The following WWOX variants were observed in gnomAD, a reference collection of about 807,000 sequenced individuals.
WWOX encodes the protein WW domain-containing oxidoreductase.
Under a neutral mutation model 46.2 loss-of-function variants are expected in WWOX, and 69 were observed. The ratio of observed to expected loss-of-function variants is 1.49; its 90% confidence interval spans 1.23 to 1.82. The LOEUF is 1.82. WWOX is among the 40% of genes most tolerant of loss of function. The pLI is 0.00. For synonymous variants in WWOX, 359 were observed against 202.6 expected (o/e 1.77, Z -6.56); for missense variants, 919 against 542.6 (o/e 1.69, Z -6.89).
At chr16:78,541,222 C>G (rs1263759840) in intron 8 of WWOX, among the ~76,000 whole-genome samples, 4 of 151,838 alleles carry the variant, frequency 2.6e-5, no homozygotes. Context: ...CGCCTGTAAT[C>G]CCAGCACTCT....
At chr16:78,977,123 C>T (rs535092257) in intron 8 of WWOX, among the ~76,000 whole-genome samples, 1 of 152,174 alleles carries the variant, frequency 6.6e-6, no homozygotes, top group Non-Finnish European at 1.5e-5. Context: ...TAATATCTTC[C>T]TCTTTACTCC....
At chr16:78,971,379 C>T (rs1011299087) in intron 8 of WWOX, among the ~76,000 whole-genome samples, 2 of 142,806 alleles carry the variant, frequency 1.4e-5, no homozygotes, top group Non-Finnish European at 3.0e-5. Context: ...CTGTTGAGTC[C>T]GGGAGGCGGA....
chr16:78,358,541 C>G (rs1288493229), intron 5 of WWOX, among the ~76,000 whole-genome samples: 1 of 152,020 alleles, frequency 6.6e-6, no homozygotes, highest in African/African-American at 2.4e-5. Flanking sequence ...GCCTGTAATC[C>G]CAGCTACTCA....
chr16:78,890,747 T>A (rs540191558), intron 8 of WWOX: 14 of 152,252 alleles, frequency 9.2e-5, no homozygotes, highest in African/African-American at 2.9e-4. Flanking sequence ...TCATTCACTT[T>A]CTGTTTTTTA....
intron 5 of WWOX, among the ~76,000 whole-genome samples, chr16:78,273,849 C>T (rs2079528881): frequency 6.6e-6 from 1 of 152,128 alleles, no homozygotes; most frequent in Non-Finnish European, 1.5e-5. Context: ...TAGGAGGAGT[C>T]CTTTTCAGTC....
chr16:78,757,933 G>A (rs1343830654), intron 8 of WWOX, among the ~76,000 whole-genome samples: 1 of 151,924 alleles, frequency 6.6e-6, no homozygotes, highest in Non-Finnish European at 1.5e-5. Context: ...GGAGATTAGG[G>A]TTTCCAAATA....
At chr16:78,493,945 GTGTA>G (rs1221398123) in intron 8 of WWOX, among the ~76,000 whole-genome samples, 1 of 152,210 alleles carries the variant, frequency 6.6e-6, no homozygotes, top group Admixed American at 6.5e-5. Flanking sequence ...TAATTGGAAA[GTGTA>G]TTAGTCGATT....
intron 8 of WWOX, among the ~76,000 whole-genome samples, chr16:78,434,741 G>A (rs939937274): frequency 6.6e-6 from 1 of 152,158 alleles, no homozygotes; most frequent in Non-Finnish European, 1.5e-5. Flanking sequence ...AAGCTTTAGA[G>A]ATGAGTCTGT....
chr16:78,114,775 T>G (rs1456857457), intron 3 of WWOX, among the ~76,000 whole-genome samples: 3 of 152,160 alleles, frequency 2.0e-5, no homozygotes, highest in African/African-American at 7.2e-5. Flanking sequence ...AAGGAAAGGA[T>G]TCGATGACTA....
intron 4 of WWOX, among the ~76,000 whole-genome samples, chr16:78,152,789 T>A (rs1305950870): frequency 6.6e-6 from 1 of 152,244 alleles, no homozygotes; most frequent in Non-Finnish European, 1.5e-5. Flanking sequence ...ATTGTACAGC[T>A]TTACAAAACA....
At chr16:79,139,845 C>G (rs2050054805) in intron 8 of WWOX, among the ~76,000 whole-genome samples, 1 of 152,192 alleles carries the variant, frequency 6.6e-6, no homozygotes, top group Non-Finnish European at 1.5e-5. Context: ...TCTACTAAAA[C>G]TGATACTAAT....
At chr16:78,162,515 C>T (rs993699476) in intron 4 of WWOX, among the ~76,000 whole-genome samples, 1 of 86,210 alleles carries the variant, frequency 1.2e-5, no homozygotes, top group East Asian at 3.8e-4. Flanking sequence ...TTGTAGCTTG[C>T]ACATATATAT....
intron 5 of WWOX, among the ~76,000 whole-genome samples, chr16:78,253,347 G>A (rs1597404650): frequency 6.6e-6 from 1 of 152,214 alleles, no homozygotes; most frequent in East Asian, 1.9e-4. Context: ...TATTTTACCA[G>A]TCCATGCACA....
intron 4 of WWOX, among the ~76,000 whole-genome samples, chr16:78,148,021 G>A (rs1007111579): frequency 5.3e-5 from 8 of 152,038 alleles, no homozygotes; most frequent in Non-Finnish European, 8.8e-5. Flanking sequence ...TCGAGCAGAC[G>A]AGAAAGAGTA....
intron 5 of WWOX, among the ~76,000 whole-genome samples, chr16:78,314,710 T>TTG (rs2080324740): frequency 9.5e-6 from 1 of 104,768 alleles, no homozygotes; most frequent in Non-Finnish European, 2.1e-5. Flanking sequence ...TGTTTTTTTT[T>TTG]TTTTTTTTTT....
At chr16:78,829,539 A>G (rs1307148464) in intron 8 of WWOX, among the ~76,000 whole-genome samples, 1 of 152,146 alleles carries the variant, frequency 6.6e-6, no homozygotes, top group East Asian at 1.9e-4. Flanking sequence ...TGGCCCAGTC[A>G]AGTTGACACC....
At chr16:78,699,365 C>CA (rs2048164954) in intron 8 of WWOX, among the ~76,000 whole-genome samples, 1 of 127,486 alleles carries the variant, frequency 7.8e-6, no homozygotes, top group Admixed American at 7.3e-5. Context: ...CGTGTTTCTA[C>CA]AAAAAATACA....
At chr16:78,692,659 A>T (rs545133966) in intron 8 of WWOX, among the ~76,000 whole-genome samples, 62 of 152,350 alleles carry the variant, frequency 4.1e-4, no homozygotes, top group African/African-American at 1.3e-3. Context: ...GAATTGAAGG[A>T]CTAGGGTCAC....
chr16:78,130,739 A>C (rs1396696635), intron 4 of WWOX, among the ~76,000 whole-genome samples: 1 of 152,208 alleles, frequency 6.6e-6, no homozygotes, highest in Non-Finnish European at 1.5e-5. Context: ...CTTTTGTGCA[A>C]TTAACAAACA....
Sources: gnomAD v4.1 joint callset for allele counts (sites outside exome capture counted in the v4.1 genomes callset) on GRCh38, gnomAD v4.1.1 for gene constraint, MANE v1.5 for transcripts, NCBI Gene and HGNC (gene_info 2026-07-23, HGNC 2026-07-21) for gene names.